The following CLASP1 variants were observed in gnomAD, a reference collection of about 807,000 sequenced individuals.
CLASP1 encodes CLIP-associating protein 1.
Under a neutral mutation model 192.3 loss-of-function variants are expected in CLASP1, and 38 were observed. The ratio of observed to expected loss-of-function variants is 0.20; its 90% CI spans 0.15 to 0.26. The LOEUF (loss-of-function observed/expected upper bound fraction) is 0.26. Among genes scored for constraint, CLASP1 ranks in the 10% least tolerant of loss-of-function variants. The pLI, the probability that CLASP1 is intolerant of heterozygous loss-of-function variation, is 1.00. For missense variants in CLASP1, 1,433 were observed against 1,932.5 expected (o/e 0.74, Z 4.85); for synonymous variants, 691 against 712.8 (o/e 0.97, Z 0.49).
chr2:121,450,884 T>A lies in CLASP1; in HGVS notation c.1523+29A>T, dbSNP rs770015690. On this transcript the variant is annotated intron_variant, in intron 16 of 39. Transcript: ENST00000263710. ...CATGTGAAATATAGAAGAAGTTAATTTAAAAAGTGGTGTACAATAAAAACT... is the reference window on the plus strand; with the variant it reads ...CATGTGAAATATAGAAGAAGTTAATATAAAAAGTGGTGTACAATAAAAACT... 8.2e-6 allele frequency: 12 copies of A among 1,469,882 alleles called. No homozygotes were observed. In the African/African-American group the frequency reaches 1.5e-4, roughly 19 times the overall value. The allele number at this position is 1,469,882 out of a possible 1,614,324, so 91.1% of individuals were successfully genotyped here. A position where few individuals can be genotyped will look rare whatever the true frequency, so the allele number is the denominator to read the frequency against.
chr2:121,604,125 G>A (rs542462655), intron 2 of CLASP1, among the ~76,000 whole-genome samples: 7 of 152,174 alleles, frequency 4.6e-5, no homozygotes, highest in Non-Finnish European at 1.0e-4. Context: ...TAATTACCCT[G>A]ACCTGATCAC....
chr2:121,355,956 C>G (rs903370547), intron 37 of CLASP1, among the ~76,000 whole-genome samples: 3 of 152,224 alleles, frequency 2.0e-5, no homozygotes, highest in Admixed American at 1.3e-4. Flanking sequence ...GTAATAGTGT[C>G]TAGCTAAGAA....
intron 3 of CLASP1, 34 bp downstream of exon 3, chr2:121,530,213 G>A (rs2094731860): frequency 6.5e-7 from 1 of 1,533,478 alleles, no homozygotes; most frequent in Non-Finnish European, 8.8e-7. Flanking sequence ...GGGTCTGAAG[G>A]GGCCGGGTCC....
At chr2:121,478,625 A>ACCC in intron 8 of CLASP1, among the ~76,000 whole-genome samples, 1 of 125,890 alleles carries the variant, frequency 7.9e-6, no homozygotes, top group East Asian at 2.4e-4. Flanking sequence ...CACCACACAC[A>ACCC]CACATACACA....
intron 2 of CLASP1, among the ~76,000 whole-genome samples, chr2:121,565,399 T>C (rs904833586): frequency 3.9e-5 from 6 of 152,220 alleles, no homozygotes; most frequent in Non-Finnish European, 7.3e-5. Context: ...AGGGCTGCCT[T>C]GTTGCACAAG....
At chr2:121,620,565 G>C (rs1348360384) in intron 1 of CLASP1, among the ~76,000 whole-genome samples, 1 of 152,076 alleles carries the variant, frequency 6.6e-6, no homozygotes, top group African/African-American at 2.4e-5. Flanking sequence ...GGCCAGGATG[G>C]TCTCGATCTA....
chr2:121,477,156 C>G (rs535877045), intron 8 of CLASP1, among the ~76,000 whole-genome samples: 1 of 152,182 alleles, frequency 6.6e-6, no homozygotes, highest in Non-Finnish European at 1.5e-5. Flanking sequence ...ACTTTGTATT[C>G]TTCTTGGTAT....
chr2:121,470,088 C>G, intron 8 of CLASP1, 128 bp from the exon 9 acceptor site: 1 of 782,258 alleles, frequency 1.3e-6, no homozygotes, highest in Non-Finnish European at 2.0e-6. Flanking sequence ...CTTTTGGAAT[C>G]TGAGGTGCTC....
intron 6 of CLASP1, among the ~76,000 whole-genome samples, chr2:121,519,967 C>T (rs951096327): frequency 6.6e-6 from 1 of 152,220 alleles, no homozygotes; most frequent in Non-Finnish European, 1.5e-5. Flanking sequence ...CAGAAAGGCA[C>T]CACAATGTGT....
chr2:121,530,942 A>C (rs978736477), intron 2 of CLASP1: 4 of 700,420 alleles, frequency 5.7e-6, no homozygotes, highest in Non-Finnish European at 1.0e-5. Context: ...CAGTACTGCT[A>C]ACGCCTGAAC....
rs1264676933 is a variant in CLASP1 at position 121,382,787 on chromosome 2, GGAC to G, written c.3375-466_3375-464del. Reference sequence around the variant, plus strand: ...TCGGACCAGAGGGACTCCAGCAGGAGGACTCAGAGACCGTGCTACTCTGACCAG... The same window carrying G: ...TCGGACCAGAGGGACTCCAGCAGGAGTCAGAGACCGTGCTACTCTGACCAG... On this transcript the variant is annotated intron_variant, in intron 32 of 39. Transcript: ENST00000263710. Among the ~76,000 whole-genome samples, 43 of 152,200 alleles carry G rather than the reference GGAC, an allele frequency of 2.8e-4. 1 individual carries two copies. Among genetic ancestry groups the G allele is most frequent in the Non-Finnish European group, 1.5e-4 (10 of 68,030 alleles).
At chr2:121,591,040 G>A (rs1054744753) in intron 2 of CLASP1, among the ~76,000 whole-genome samples, 2 of 151,976 alleles carry the variant, frequency 1.3e-5, no homozygotes, top group Non-Finnish European at 2.9e-5. Flanking sequence ...GCTAATTTTT[G>A]TATTTTTAGT....
intron 1 of CLASP1, among the ~76,000 whole-genome samples, chr2:121,616,609 A>C (rs1341452022): frequency 6.6e-6 from 1 of 152,230 alleles, no homozygotes; most frequent in African/African-American, 2.4e-5. Context: ...ACTCACACTA[A>C]GTCAGCATAT....
chr2:121,521,638 G>A (rs768539534), intron 6 of CLASP1, among the ~76,000 whole-genome samples: 11 of 152,306 alleles, frequency 7.2e-5, no homozygotes, highest in Middle Eastern at 3.4e-3. Context: ...ACTCTGAAAG[G>A]CCTCCCTGCT....
chr2:121,349,135 G>A (rs2063876108), intron 37 of CLASP1, among the ~76,000 whole-genome samples: 1 of 152,110 alleles, frequency 6.6e-6, no homozygotes, highest in African/African-American at 2.4e-5. Flanking sequence ...AGCTACTCGG[G>A]AGGCTGAGGC....
intron 8 of CLASP1, among the ~76,000 whole-genome samples, chr2:121,499,795 C>A (rs551160598): frequency 2.6e-5 from 4 of 151,438 alleles, no homozygotes; most frequent in African/African-American, 9.7e-5. Flanking sequence ...TTTAAATAAA[C>A]TTCTATTCCT....
chr2:121,573,620 GAC>G (rs1453334438), intron 2 of CLASP1, among the ~76,000 whole-genome samples: 1 of 152,140 alleles, frequency 6.6e-6, no homozygotes, highest in Non-Finnish European at 1.5e-5. Flanking sequence ...AAAGCCAATA[GAC>G]ACACAATTTA....
At chr2:121,501,286 C>T (rs1167503477) in intron 8 of CLASP1, among the ~76,000 whole-genome samples, 5 of 152,184 alleles carry the variant, frequency 3.3e-5, no homozygotes, top group Non-Finnish European at 2.9e-5. Flanking sequence ...AATACACCCA[C>T]ACAAAAGTAA....
chr2:121,448,798 A>G (rs2084864164), intron 17 of CLASP1, among the ~76,000 whole-genome samples, 155 bp downstream of exon 17: 1 of 152,226 alleles, frequency 6.6e-6, no homozygotes, highest in Non-Finnish European at 1.5e-5. Context: ...TCACCACTCC[A>G]TGGTGGTATC....
Sources: gnomAD v4.1 joint callset for allele counts (sites outside exome capture counted in the v4.1 genomes callset) on GRCh38, gnomAD v4.1.1 for gene constraint, MANE v1.5 for transcripts, NCBI Gene and HGNC (gene_info 2026-07-23, HGNC 2026-07-21) for gene names.